MED13L: variants seen among roughly 807,000 people sequenced by gnomAD.
MED13L encodes mediator complex subunit 13L.
In MED13L, 7 loss-of-function variants were observed where a neutral mutation model predicts 220.9. The observed-to-expected ratio is 0.03, with a 90% confidence interval of 0.02 to 0.06. The LOEUF (loss-of-function observed/expected upper bound fraction) is 0.06, where lower values mean the gene tolerates loss of function less well. Among genes scored for constraint, MED13L ranks in the 10% least tolerant of loss-of-function variants. MED13L has a pLI of 1.00. For synonymous variants in MED13L, 1,011 were observed against 1,015.2 expected (o/e 1.00, Z 0.08); for missense variants, 1,965 against 2,760.5 (o/e 0.71, Z 6.46).
At chr12:116,092,786 T>C (rs973653383) in intron 4 of MED13L, among the ~76,000 whole-genome samples, 1 of 152,126 alleles carries the variant, frequency 6.6e-6, no homozygotes, top group African/African-American at 2.4e-5. Flanking sequence ...GGGGGGTGTG[T>C]GCACATGTGC....
chr12:116,048,417 G>A lies in MED13L; in HGVS notation c.480-25816C>T, dbSNP rs142313496. Among the ~76,000 whole-genome samples the A allele has an allele frequency of 4.9e-3, 752 of 152,260 alleles. 6 individuals carry two copies. The highest frequency in any genetic ancestry group is 6.3e-3 in the Non-Finnish European group (430 of 68,022). ...TACATCAAGGAAGAGCCAGGGTAAT[G>A]GCAGGAGTGGTAAGATACAGGGCAA... On this transcript the variant is annotated intron_variant, in intron 4 of 30. Transcript: ENST00000281928.
intron 8 of MED13L, among the ~76,000 whole-genome samples, chr12:116,013,313 A>G (rs1051374079): frequency 6.6e-6 from 1 of 152,192 alleles, no homozygotes; most frequent in Admixed American, 6.5e-5. Flanking sequence ...TGAGTCAGGA[A>G]TGATGGTGAT....
intron 30 of MED13L, chr12:115,962,553 C>A (rs1875837807): frequency 3.3e-5 from 5 of 152,168 alleles, no homozygotes; most frequent in Admixed American, 3.3e-4. Flanking sequence ...TTATCCATAA[C>A]TATAATTATA....
At chr12:116,024,768 C>CGGGGG (rs201022916) in intron 4 of MED13L, among the ~76,000 whole-genome samples, 1 of 7,722 alleles carries the variant, frequency 1.3e-4, no homozygotes. Context: ...TTTTTTTTGG[C>CGGGGG]GGGGCGGGGG....
intron 14 of MED13L, 56 bp from the exon 15 acceptor site, chr12:115,997,286 T>A: frequency 6.8e-7 from 1 of 1,474,812 alleles, no homozygotes; most frequent in Non-Finnish European, 9.4e-7. Flanking sequence ...TAAAAAGTCC[T>A]AGCTTATAGC....
intron 2 of MED13L, among the ~76,000 whole-genome samples, chr12:116,147,557 G>A (rs569832250): frequency 2.0e-5 from 3 of 152,078 alleles, no homozygotes; most frequent in Non-Finnish European, 4.4e-5. Flanking sequence ...GACTGCAGGC[G>A]ACAGAGCAGT....
chr12:116,031,523 T>C (rs1291509740), intron 4 of MED13L, among the ~76,000 whole-genome samples: 3 of 143,344 alleles, frequency 2.1e-5, no homozygotes, highest in Non-Finnish European at 4.5e-5. Flanking sequence ...ACACAGGAGG[T>C]GGAGCTTGCA....
intron 2 of MED13L, among the ~76,000 whole-genome samples, chr12:116,137,258 T>C (rs1876637624): frequency 6.6e-6 from 1 of 152,182 alleles, no homozygotes; most frequent in Admixed American, 6.5e-5. Context: ...GGTGGTGGTA[T>C]GATAAAGATG....
chr12:116,022,702 CCA>C (rs1880133325), intron 4 of MED13L, 101 bp from the exon 5 acceptor site: 1 of 1,256,718 alleles, frequency 8.0e-7, no homozygotes, highest in African/African-American at 1.5e-5. Context: ...TATCAACCGT[CCA>C]GTAAGGCTGA....
intron 1 of MED13L, among the ~76,000 whole-genome samples, chr12:116,258,918 GTT>G (rs768787146): frequency 2.2e-5 from 3 of 138,186 alleles, no homozygotes; most frequent in Non-Finnish European, 4.7e-5. Flanking sequence ...AATATTGAGG[GTT>G]TTTTTTTTTT....
At chr12:116,119,214 A>G (rs1426977165) in intron 2 of MED13L, among the ~76,000 whole-genome samples, 2 of 152,184 alleles carry the variant, frequency 1.3e-5, no homozygotes, top group Admixed American at 1.3e-4. Flanking sequence ...AAGGACATAC[A>G]TTCTAACCCC....
intron 4 of MED13L, among the ~76,000 whole-genome samples, chr12:116,073,391 A>G (rs1870540471): frequency 6.6e-6 from 1 of 152,178 alleles, no homozygotes; most frequent in Non-Finnish European, 1.5e-5. Flanking sequence ...GAATGAAACT[A>G]CACTGTTGCC....
At chr12:116,159,219 C>A (rs984032261) in intron 2 of MED13L, among the ~76,000 whole-genome samples, 3 of 152,128 alleles carry the variant, frequency 2.0e-5, no homozygotes, top group Non-Finnish European at 4.4e-5. Context: ...CCACTGAATA[C>A]TACAGGATCA....
At chr12:116,182,311 C>T (rs937143604) in intron 2 of MED13L, among the ~76,000 whole-genome samples, 1 of 152,148 alleles carries the variant, frequency 6.6e-6, no homozygotes, top group Admixed American at 6.5e-5. Context: ...CTTCCCTAAG[C>T]CCTTCCCTTA....
chr12:116,008,274 A>C, intron 10 of MED13L, 127 bp downstream of exon 10: 86 of 1,225,628 alleles, frequency 7.0e-5, no homozygotes, highest in Non-Finnish European at 8.6e-5. Context: ...CATTTTCCAT[A>C]TCCGGAGTCA....
At chr12:115,996,022 T>C (rs1216595733) in intron 16 of MED13L, among the ~76,000 whole-genome samples, 1 of 152,150 alleles carries the variant, frequency 6.6e-6, no homozygotes, top group Non-Finnish European at 1.5e-5. Context: ...CACAAAATAA[T>C]TTGCACAAAA....
chr12:116,236,172 G>A (rs967397548), intron 2 of MED13L, among the ~76,000 whole-genome samples: 1 of 152,088 alleles, frequency 6.6e-6, no homozygotes, highest in African/African-American at 2.4e-5. Flanking sequence ...GCTTTGAGAT[G>A]AATGTTAAGT....
At chr12:115,982,778 C>G (rs996900933) in intron 21 of MED13L, among the ~76,000 whole-genome samples, 175 bp from the exon 22 acceptor site, 1 of 152,096 alleles carries the variant, frequency 6.6e-6, no homozygotes, top group African/African-American at 2.4e-5. Context: ...CAGAGAGCAT[C>G]GAGGGCAGAT....
chr12:116,111,772 T>A (rs959363203), intron 2 of MED13L, among the ~76,000 whole-genome samples: 3 of 152,184 alleles, frequency 2.0e-5, no homozygotes, highest in Non-Finnish European at 4.4e-5. Flanking sequence ...TAAATGTCTT[T>A]ACAATCTGCT....
Sources: allele counts gnomAD v4.1 joint callset (sites outside exome capture counted in the v4.1 genomes callset), GRCh38; gene constraint gnomAD v4.1.1; transcripts MANE v1.5; gene names NCBI Gene and HGNC (gene_info 2026-07-23, HGNC 2026-07-21).